CRIM1: variants seen among roughly 807,000 people sequenced by gnomAD.
CRIM1 encodes the protein cysteine-rich motor neuron 1 protein.
In CRIM1, 32 loss-of-function variants were observed where a neutral mutation model predicts 116.4. The ratio of observed to expected loss-of-function variants is 0.27; its 90% confidence interval spans 0.21 to 0.37. CRIM1 has a LOEUF of 0.37. CRIM1 is among the 10% of genes least tolerant of loss of function. The pLI is 1.00. For missense variants in CRIM1, 1,331 were observed against 1,354.8 expected (o/e 0.98, Z 0.28); for synonymous variants, 590 against 509.2 (o/e 1.16, Z -2.13).
At chr2:36,472,150 C>T (rs1050467198) in intron 5 of CRIM1, among the ~76,000 whole-genome samples, 4 of 152,202 alleles carry the variant, frequency 2.6e-5, no homozygotes, top group South Asian at 2.1e-4. Flanking sequence ...TTCTGTGCTT[C>T]ATATTGAGAA....
intron 7 of CRIM1, among the ~76,000 whole-genome samples, chr2:36,483,084 A>G (rs1401862753): frequency 1.3e-5 from 2 of 152,218 alleles, no homozygotes; most frequent in Non-Finnish European, 2.9e-5. Context: ...TCAACACCCA[A>G]TTCAGGTATA....
intron 5 of CRIM1, among the ~76,000 whole-genome samples, chr2:36,469,599 A>G (rs963655152): frequency 8.5e-5 from 13 of 152,216 alleles, no homozygotes; most frequent in Non-Finnish European, 1.9e-4. Flanking sequence ...CTTGCTCCTC[A>G]TGTAAAATTT....
At chr2:36,360,736 A>C (rs1211441054) in intron 1 of CRIM1, among the ~76,000 whole-genome samples, 2 of 152,164 alleles carry the variant, frequency 1.3e-5, no homozygotes, top group Non-Finnish European at 2.9e-5. Context: ...CATTCTGCAC[A>C]AGCCGCATGG....
At position 36,356,553 on chromosome 2, in the gene CRIM1, G is replaced by C; in HGVS notation, c.261G>C (p.Gly87=). The change falls in exon 1 of 17, where the codon GGG becomes GGC. Residue 87 remains glycine, a synonymous_variant. Transcript: ENST00000280527. This position sits in a 1 kb window ranked among gnomAD's most constrained non-coding sequence, Gnocchi z 4.3. ...GGATTTACGGAACCTGCGACCGGGGGCTGCGTTGTGTCATCCGCCCCCCGC... is the reference window on the plus strand; with the variant it reads ...GGATTTACGGAACCTGCGACCGGGGCCTGCGTTGTGTCATCCGCCCCCCGC... The part of the protein sequence containing the change: ...TFGIYGTCDR[G]LRCVIRPPLN... The C allele has an allele frequency of 6.2e-7, 1 of 1,612,644 alleles. No homozygotes were observed. The highest frequency in any genetic ancestry group is 8.5e-7 in the Non-Finnish European group (1 of 1,179,860).
At chr2:36,374,385 A>G (rs2148315262) in intron 1 of CRIM1, among the ~76,000 whole-genome samples, 1 of 152,330 alleles carries the variant, frequency 6.6e-6, no homozygotes, top group Non-Finnish European at 1.5e-5. Context: ...TTTACTAGAC[A>G]GTTTGGGAAA....
chr2:36,477,307 C>T (rs550714505), intron 6 of CRIM1, among the ~76,000 whole-genome samples: 4 of 152,262 alleles, frequency 2.6e-5, no homozygotes, highest in African/African-American at 9.6e-5. Context: ...CCTCTTTCCA[C>T]AGGCAACGTG....
intron 2 of CRIM1, among the ~76,000 whole-genome samples, chr2:36,414,960 C>A (rs973354675): frequency 2.0e-5 from 3 of 152,124 alleles, no homozygotes; most frequent in Admixed American, 6.5e-5. Context: ...ACTGTGGCTG[C>A]CATGTGGAAA....
chr2:36,374,578 A>G (rs1340957455), intron 1 of CRIM1, among the ~76,000 whole-genome samples: 3 of 152,180 alleles, frequency 2.0e-5, no homozygotes, highest in Admixed American at 6.5e-5. Flanking sequence ...CCTTGTCTTC[A>G]TTATTATGAT....
At chr2:36,451,831 C>G (rs1172941951) in intron 4 of CRIM1, among the ~76,000 whole-genome samples, 1 of 152,172 alleles carries the variant, frequency 6.6e-6, no homozygotes, top group Non-Finnish European at 1.5e-5. Flanking sequence ...TTGGAACTGT[C>G]AGGGTCATGT....
intron 12 of CRIM1, among the ~76,000 whole-genome samples, chr2:36,521,595 A>T (rs1373211853): frequency 6.6e-6 from 1 of 152,216 alleles, no homozygotes; most frequent in East Asian, 1.9e-4. Flanking sequence ...GCCGTGATCA[A>T]CGCACTCCTA....
chr2:36,393,564 G>C (rs1469578852), intron 1 of CRIM1, among the ~76,000 whole-genome samples: 3 of 152,024 alleles, frequency 2.0e-5, no homozygotes, highest in Non-Finnish European at 4.4e-5. Context: ...GGGGAATTAT[G>C]GCTTACATAA....
chr2:36,442,356 T>C (rs922221652), intron 3 of CRIM1, among the ~76,000 whole-genome samples: 3 of 152,202 alleles, frequency 2.0e-5, no homozygotes, highest in Non-Finnish European at 4.4e-5. Flanking sequence ...TCACTATCCA[T>C]GTAACCACTG....
chr2:36,499,543 T>C, intron 8 of CRIM1, 196 bp downstream of exon 8: 1 of 539,424 alleles, frequency 1.9e-6, no homozygotes, highest in South Asian at 2.3e-5. Flanking sequence ...TTATTGTGTT[T>C]TTTTCTCTGT....
rs848547 is a variant in CRIM1 at position 36,477,001 on chromosome 2, C to T, written c.1104C>T (p.Thr368=). Reference sequence around the variant, plus strand: ...AAGGGGGCGTTGCCATCTGCTTCACCGCCCAGTGTGGTGAGATAAACTGCG... The same window carrying T: ...AAGGGGGCGTTGCCATCTGCTTCACTGCCCAGTGTGGTGAGATAAACTGCG... ...RCQGGVAICF[T]AQCGEINCER... is the part of the protein sequence containing the mutation. The change falls in exon 6 of 17, where the codon ACC becomes ACT. Residue 368 remains threonine (T), a synonymous_variant. Transcript: ENST00000280527. 0.54 allele frequency: 863,301 copies of T among 1,612,846 alleles called. 236,630 individuals are homozygous for T. Among genetic ancestry groups the T allele is most frequent in the Admixed American group, 0.74 (44,589 of 59,990 alleles).
intron 15 of CRIM1, among the ~76,000 whole-genome samples, chr2:36,546,763 AT>A (rs775086985): frequency 0.039 from 3,972 of 101,744 alleles, 107 homozygotes; most frequent in African/African-American, 0.077. Flanking sequence ...TCTCACTCTG[AT>A]TTTTTTTTTT....
chr2:36,521,371 G>A (rs1317673616), intron 12 of CRIM1, among the ~76,000 whole-genome samples: 1 of 152,066 alleles, frequency 6.6e-6, no homozygotes, highest in Non-Finnish European at 1.5e-5. Context: ...GCATTTAGGT[G>A]GTTTTTGGTA....
chr2:36,383,516 A>G (rs1380946400), intron 1 of CRIM1, among the ~76,000 whole-genome samples: 1 of 152,226 alleles, frequency 6.6e-6, no homozygotes. Flanking sequence ...TTAGTAGAGT[A>G]TAATACTAGT....
rs1471700474 is a variant in CRIM1, at chr2:36,355,868, G to A, written c.-425G>A. 4 of 151,512 alleles carry A rather than the reference G, an allele frequency of 2.6e-5. No individual in the cohort carries two copies. Among genetic ancestry groups the A allele is most frequent in the African/African-American group, 4.8e-5 (2 of 41,298 alleles). The allele number at this position is 151,512 out of a possible 1,614,324, so 9.4% of individuals were successfully genotyped here. On this transcript the variant is annotated 5_prime_UTR_variant, in exon 1 of 17. Transcript: ENST00000280527. ...CTCGGCAGCTCGGGAGGCGGGGACC[G>A]GCCCGGAGGCTGCGCCGCTGCGGGG...
intron 4 of CRIM1, among the ~76,000 whole-genome samples, chr2:36,453,628 T>C (rs932146490): frequency 2.0e-5 from 3 of 152,238 alleles, no homozygotes; most frequent in African/African-American, 7.2e-5. Flanking sequence ...ATTTGTCATG[T>C]GCCAGGCATT....
Sources: gnomAD v4.1 joint callset for allele counts (sites outside exome capture counted in the v4.1 genomes callset) on GRCh38, gnomAD v4.1.1 for gene constraint, Gnocchi (gnomAD v3.1) non-coding constraint, MANE v1.5 for transcripts, NCBI Gene and HGNC (gene_info 2026-07-23, HGNC 2026-07-21) for gene names.